TNS3: variants seen among roughly 807,000 people sequenced by gnomAD.
TNS3 encodes tensin 3.
A neutral mutation model predicts 140.9 loss-of-function variants in TNS3; 45 were observed. That is an observed-to-expected ratio of 0.32 (90% CI 0.25 to 0.41). The LOEUF is 0.41. TNS3 is among the 10% of genes least tolerant of loss of function. The pLI is 1.00. For synonymous variants in TNS3, 815 were observed against 788.4 expected, an observed-to-expected ratio of 1.03 and a Z score of -0.56; for missense variants, 1,716 against 1,906.7, an observed-to-expected ratio of 0.90 and a Z score of 1.86.
rs573564501 is a variant in TNS3 at position 47,531,686 on chromosome 7, T to C, written c.-264-2539A>G. On this transcript the variant is annotated intron_variant, in intron 1 of 30. Coordinates refer to ENST00000311160, the MANE Select transcript of TNS3 (RefSeq NM_022748.12). ...GAAAGAAGAAAAGGAAATATACTAT[T>C]GATGACAGCGGTTGCTACCATCACG... Among the ~76,000 whole-genome samples, 297 of 152,370 alleles carry C rather than the reference T, an allele frequency of 1.9e-3. 1 individual carries two copies. Among genetic ancestry groups the C allele is most frequent in the African/African-American group, 7.0e-3 (290 of 41,590 alleles).
Position 47,368,763 on chromosome 7 carries a change from C to T in TNS3, c.1883G>A (p.Arg628Lys), listed in dbSNP as rs1181626382. The part of the protein sequence containing the change: ...DNPGLVQAQP[R>K]VPLTPTRGTS... ...CCCTCGGGTGGGGGTGAGTGGCACT[C>T]TGGGCTGGGCCTGGACGAGGCCAGG... Residue 628 changes from arginine (R) to lysine (K), a missense_variant, in exon 17 of 31, where the codon AGA (arginine) becomes AAA (lysine). Physicochemically the swap from Arg to Lys is conservative, Grantham distance 26. Around this residue, in one of 3 missense-constraint regions of TNS3, gnomAD observed 1,163 missense variants for 1,182.1 expected, o/e 0.98. Transcript: ENST00000311160. 2.1e-5 allele frequency: 34 copies of T among 1,590,606 alleles called. No homozygotes were observed. In the East Asian group the frequency reaches 7.6e-4, roughly 36 times the overall value.
chr7:47,434,029 T>A (rs1003107060), intron 8 of TNS3, among the ~76,000 whole-genome samples: 1 of 152,026 alleles, frequency 6.6e-6, no homozygotes, highest in South Asian at 2.1e-4. Context: ...GGTGTACCTG[T>A]CCATTTGGGG....
At chr7:47,455,550 G>A (rs555062371) in intron 4 of TNS3, among the ~76,000 whole-genome samples, 1 of 152,256 alleles carries the variant, frequency 6.6e-6, no homozygotes, top group Non-Finnish European at 1.5e-5. Context: ...GTATTTGCAG[G>A]AGGGCTAGCC....
intron 16 of TNS3, among the ~76,000 whole-genome samples, chr7:47,380,339 C>T (rs1186535898): frequency 6.6e-6 from 1 of 152,242 alleles, no homozygotes; most frequent in Non-Finnish European, 1.5e-5. Flanking sequence ...ACTGAAAACA[C>T]AGGGGCCCAA....
intron 24 of TNS3, 148 bp from the exon 25 acceptor site, chr7:47,293,976 AC>A (rs1785861697): frequency 1.4e-6 from 1 of 731,182 alleles, no homozygotes; most frequent in East Asian, 2.7e-5. Context: ...GCTGCCAAGA[AC>A]CATCTTCGTC....
intron 4 of TNS3, among the ~76,000 whole-genome samples, chr7:47,445,051 T>C (rs191461731): frequency 1.3e-5 from 2 of 152,280 alleles, no homozygotes; most frequent in African/African-American, 4.8e-5. Flanking sequence ...AAGGAGGAAT[T>C]CAGCCCGTCC....
chr7:47,462,115 G>A (rs1796514697), intron 4 of TNS3, among the ~76,000 whole-genome samples: 1 of 152,194 alleles, frequency 6.6e-6, no homozygotes, highest in Non-Finnish European at 1.5e-5. Context: ...GATTCCGCAA[G>A]TTAACTGATA....
At chr7:47,323,062 G>T (rs577219101) in intron 20 of TNS3, among the ~76,000 whole-genome samples, 2 of 152,274 alleles carry the variant, frequency 1.3e-5, no homozygotes, top group East Asian at 3.9e-4. Context: ...CACACCCTGG[G>T]CCGACCATGC....
chr7:47,277,976 G>A lies in TNS3; in HGVS notation c.*100C>T, dbSNP rs1242641687. On this transcript the variant is annotated 3_prime_UTR_variant, in exon 31 of 31. Transcript: ENST00000311160. ...TTCCCCTCATGGGCCTGGAATGTCAGGTTTACTAGTTTGGTAAAAAGTGGG... is the reference window on the plus strand; with the variant it reads ...TTCCCCTCATGGGCCTGGAATGTCAAGTTTACTAGTTTGGTAAAAAGTGGG... 1 of 1,347,984 alleles carries A rather than the reference G, an allele frequency of 7.4e-7. No homozygotes were observed. The highest frequency in any genetic ancestry group is 1.1e-6 in the Non-Finnish European group (1 of 947,352). 83.5% of individuals were successfully genotyped at this position (1,347,984 alleles called of 1,614,324 possible).
rs144632084 is a variant in TNS3, at chr7:47,407,183, G to A, written c.723+4544C>T. On this transcript the variant is annotated intron_variant, in intron 13 of 30. Transcript: ENST00000311160. This position sits in a 1 kb window ranked among gnomAD's most constrained non-coding sequence, Gnocchi z 4.1. The stretch of plus-strand genomic sequence containing the variant: ...GGGCTTTGGCAAAAGATGCACTCCC[G>A]ACTCTGATGGGAGTGCTGGCAGTGA... Among the ~76,000 whole-genome samples, 75 of 152,236 alleles carry A rather than the reference G, an allele frequency of 4.9e-4. No homozygotes were observed. The highest frequency in any genetic ancestry group is 9.2e-4 in the Admixed American group (14 of 15,300).
intron 10 of TNS3, among the ~76,000 whole-genome samples, chr7:47,423,134 C>T (rs1279607656): frequency 6.6e-6 from 1 of 152,220 alleles, no homozygotes; most frequent in Non-Finnish European, 1.5e-5. Context: ...TGACATAGCC[C>T]TCAGTTGCAC....
At chr7:47,379,046 C>T (rs896196531) in intron 16 of TNS3, among the ~76,000 whole-genome samples, 1 of 152,172 alleles carries the variant, frequency 6.6e-6, no homozygotes, top group African/African-American at 2.4e-5. Flanking sequence ...ATCACCAAGC[C>T]AGGAGGGCTG....
intron 8 of TNS3, among the ~76,000 whole-genome samples, chr7:47,434,841 T>C (rs1043218733): frequency 2.0e-5 from 3 of 152,232 alleles, no homozygotes; most frequent in African/African-American, 7.2e-5. Flanking sequence ...GACAACACGT[T>C]TACTGCAATG....
At chr7:47,537,029 C>G (rs919470731) in intron 1 of TNS3, among the ~76,000 whole-genome samples, 7 of 151,866 alleles carry the variant, frequency 4.6e-5, no homozygotes, top group Admixed American at 2.0e-4. Context: ...GCCGCACTCA[C>G]CTGGCGCCGG....
chr7:47,418,965 A>G (rs1235706427), intron 10 of TNS3, among the ~76,000 whole-genome samples: 1 of 152,262 alleles, frequency 6.6e-6, no homozygotes, highest in African/African-American at 2.4e-5. Flanking sequence ...CAGCACTCAC[A>G]GAGTCAGCCA....
intron 28 of TNS3, among the ~76,000 whole-genome samples, chr7:47,283,236 A>C (rs1209415939): frequency 1.3e-5 from 2 of 152,224 alleles, no homozygotes; most frequent in Non-Finnish European, 2.9e-5. Flanking sequence ...CTGGCTCAGT[A>C]ACAGCTCAGG....
At chr7:47,500,785 A>C (rs1321860502) in intron 3 of TNS3, among the ~76,000 whole-genome samples, 1 of 152,170 alleles carries the variant, frequency 6.6e-6, no homozygotes, top group Non-Finnish European at 1.5e-5. Context: ...GGTTATGAAA[A>C]ACGTATTGGT....
In TNS3 at chr7:47,408,189, T is replaced by C. The variant is rs190121009; in HGVS notation, c.723+3538A>G. ...CTCCCAAGGGCTGCAGGTGGGACAC[T>C]GAGGAAAGGAGGCCACCGCCTCCTT... On this transcript the variant is annotated intron_variant, in intron 13 of 30. Transcript: ENST00000311160. 3.5e-4 allele frequency among the ~76,000 whole-genome samples: 53 copies of C among 152,094 alleles called. 1 individual carries two copies. Among genetic ancestry groups the C allele is most frequent in the Non-Finnish European group, 6.2e-4 (42 of 67,946 alleles).
intron 16 of TNS3, among the ~76,000 whole-genome samples, chr7:47,387,675 C>A (rs147371767): frequency 6.6e-6 from 1 of 152,336 alleles, no homozygotes; most frequent in African/African-American, 2.4e-5. Flanking sequence ...GTAGCACTTT[C>A]CAAAGAAAGA....
Sources: gnomAD v4.1 joint callset for allele counts (sites outside exome capture counted in the v4.1 genomes callset) on GRCh38, gnomAD v4.1.1 for gene constraint, gnomAD v4.1.1 regional missense constraint, Gnocchi (gnomAD v3.1) non-coding constraint, MANE v1.5 for transcripts, NCBI Gene and HGNC (gene_info 2026-07-23, HGNC 2026-07-21) for gene names.